Variants in HGD observed in about 807,000 individuals in gnomAD.
HGD encodes the protein homogentisate 1,2-dioxygenase.
In HGD, 61 loss-of-function variants were observed where a neutral mutation model predicts 60.8. That is an observed-to-expected ratio of 1.00 (90% CI 0.82 to 1.24). The LOEUF (loss-of-function observed/expected upper bound fraction) is 1.24. HGD is among the 50% of genes most tolerant of loss of function. The probability of loss-of-function intolerance (pLI) is 0.00; values close to 1 mark genes in which losing one functional copy is unlikely to be tolerated. For missense variants in HGD, 542 were observed against 547.1 expected (o/e 0.99, Z 0.09); for synonymous variants, 212 against 187.7 (o/e 1.13, Z -1.06).
chr3:120,662,082 C>G (rs551758595), intron 4 of HGD, among the ~76,000 whole-genome samples: 1 of 152,022 alleles, frequency 6.6e-6, no homozygotes, highest in African/African-American at 2.4e-5. Flanking sequence ...GATAAAATGA[C>G]GATGGTTCTA....
chr3:120,643,324 A>G (rs1003529516), intron 10 of HGD, among the ~76,000 whole-genome samples: 1 of 152,188 alleles, frequency 6.6e-6, no homozygotes, highest in Non-Finnish European at 1.5e-5. Context: ...GGGTTTTGCC[A>G]TGTTGGCCAG....
In HGD at chr3:120,639,114, C is replaced by T. The variant is rs183559759; in HGVS notation, c.880-533G>A. 4.5e-4 allele frequency among the ~76,000 whole-genome samples: 68 copies of T among 152,236 alleles called. 1 individual carries two copies. The highest frequency in any genetic ancestry group is 1.2e-3 in the Admixed American group (18 of 15,298). On this transcript the variant is annotated intron_variant, in intron 11 of 13. Transcript: ENST00000283871. ...TTTTTCTTTATAAAGTACCCAGTCT[C>T]GGGTATTTCTTCACAGCAGTATGAA...
intron 1 of HGD, among the ~76,000 whole-genome samples, chr3:120,679,413 G>A (rs1559804451): frequency 6.6e-6 from 1 of 152,082 alleles, no homozygotes; most frequent in Non-Finnish European, 1.5e-5. Flanking sequence ...TGGGAACATA[G>A]AACATAGATT....
intron 6 of HGD, 53 bp downstream of exon 6, chr3:120,650,721 G>T: frequency 2.2e-6 from 3 of 1,375,608 alleles, no homozygotes; most frequent in Non-Finnish European, 3.1e-6. Flanking sequence ...TTGACTTCTG[G>T]CCAAAATCCC....
intron 12 of HGD, among the ~76,000 whole-genome samples, chr3:120,637,057 T>C (rs1285431795): frequency 6.6e-6 from 1 of 152,200 alleles, no homozygotes; most frequent in Non-Finnish European, 1.5e-5. Flanking sequence ...TATTGCACAA[T>C]TAAAAATGTC....
chr3:120,628,555 G>GA, intron 13 of HGD, 26 bp from the exon 14 acceptor site: 1 of 1,612,004 alleles, frequency 6.2e-7, no homozygotes, highest in African/African-American at 1.3e-5. Context: ...ATGGGGATGA[G>GA]AAAAAAGAGG....
chr3:120,663,100 G>T (rs902680607), intron 4 of HGD, among the ~76,000 whole-genome samples: 1 of 152,118 alleles, frequency 6.6e-6, no homozygotes, highest in Non-Finnish European at 1.5e-5. Context: ...AATCTCTTTT[G>T]CTTAAGCCAC....
chr3:120,660,972 A>C (rs1941644088), intron 4 of HGD, among the ~76,000 whole-genome samples: 1 of 152,140 alleles, frequency 6.6e-6, no homozygotes, highest in African/African-American at 2.4e-5. Flanking sequence ...CATAATAGTC[A>C]CTCAATAAAT....
At chr3:120,651,537 T>A (rs1405198127) in intron 5 of HGD, among the ~76,000 whole-genome samples, 1 of 152,204 alleles carries the variant, frequency 6.6e-6, no homozygotes, top group Non-Finnish European at 1.5e-5. Context: ...GTATTTTAAC[T>A]CAATTTGTAA....
At chr3:120,677,429 T>G (rs1231168177) in intron 1 of HGD, among the ~76,000 whole-genome samples, 2 of 152,122 alleles carry the variant, frequency 1.3e-5, no homozygotes, top group Non-Finnish European at 2.9e-5. Flanking sequence ...TGCGCCTGTC[T>G]CTTATGGTCG....
At chr3:120,667,326 C>CA (rs71133514) in intron 4 of HGD, among the ~76,000 whole-genome samples, 9,770 of 59,942 alleles carry the variant, frequency 0.16, 1,091 homozygotes, top group Non-Finnish European at 0.2. Context: ...ACTCTTGTCT[C>CA]AAAAAAAAAA....
At chr3:120,668,909 G>A (rs560460256) in intron 4 of HGD, among the ~76,000 whole-genome samples, 1 of 152,206 alleles carries the variant, frequency 6.6e-6, no homozygotes, top group African/African-American at 2.4e-5. Flanking sequence ...AATACACTGG[G>A]GTTCTCAGAA....
chr3:120,673,323 C>G (rs1357925778), intron 3 of HGD, among the ~76,000 whole-genome samples: 1 of 152,206 alleles, frequency 6.6e-6, no homozygotes, highest in African/African-American at 2.4e-5. Context: ...CCTGCTGGAA[C>G]AAAGCTCAGC....
intron 13 of HGD, 80 bp downstream of exon 13, chr3:120,633,067 G>C (rs1185148821): frequency 1.5e-6 from 2 of 1,293,124 alleles, no homozygotes; most frequent in African/African-American, 2.9e-5. Flanking sequence ...TGTGACTTTG[G>C]AGAAATGAAA....
chr3:120,680,952 C>T (rs569123174), intron 1 of HGD, among the ~76,000 whole-genome samples: 5 of 152,268 alleles, frequency 3.3e-5, no homozygotes, highest in South Asian at 2.1e-4. Flanking sequence ...AGTTCATCTA[C>T]GATATTAATC....
chr3:120,631,615 C>T (rs1940594151), intron 13 of HGD, among the ~76,000 whole-genome samples: 1 of 152,188 alleles, frequency 6.6e-6, no homozygotes, highest in South Asian at 2.1e-4. Context: ...CTCCATTTGG[C>T]TGGATTAACA....
chr3:120,644,257 C>G, intron 10 of HGD, 62 bp downstream of exon 10: 5 of 1,602,064 alleles, frequency 3.1e-6, no homozygotes, highest in Non-Finnish European at 4.3e-6. Flanking sequence ...CTCGCCTTGG[C>G]AATCAGTAAG....
chr3:120,635,996 C>T (rs1281951473), intron 12 of HGD, among the ~76,000 whole-genome samples: 2 of 151,570 alleles, frequency 1.3e-5, no homozygotes, highest in East Asian at 1.9e-4. Context: ...TCTGGCCAGC[C>T]ATGGTGGCTC....
At chr3:120,638,315 T>C (rs749257356) in intron 12 of HGD, 140 bp downstream of exon 12, 44 of 1,014,462 alleles carry the variant, frequency 4.3e-5, no homozygotes, top group Non-Finnish European at 6.5e-5. Flanking sequence ...GGATCAGCAC[T>C]AGGCCTTGTG....
Sources: gnomAD v4.1 joint callset for allele counts (sites outside exome capture counted in the v4.1 genomes callset) on GRCh38, gnomAD v4.1.1 for gene constraint, MANE v1.5 for transcripts, NCBI Gene and HGNC (gene_info 2026-07-23, HGNC 2026-07-21) for gene names.